The following CADM1 variants were observed in gnomAD, a reference collection of about 807,000 sequenced individuals.
CADM1 encodes the protein TSLC-1.
In CADM1, 15 loss-of-function variants were observed where a neutral mutation model predicts 53.1. The observed-to-expected ratio is 0.28, with a 90% CI of 0.19 to 0.44. The LOEUF is 0.44. Among genes scored for constraint, CADM1 ranks in the 20% least tolerant of loss-of-function variants. CADM1 has a pLI of 1.00. For synonymous variants in CADM1, 281 were observed against 243.0 expected (o/e 1.16, Z -1.45); for missense variants, 434 against 611.3 (o/e 0.71, Z 3.06).
At chr11:115,484,987 T>G (rs1357992369) in intron 1 of CADM1, among the ~76,000 whole-genome samples, 1 of 152,048 alleles carries the variant, frequency 6.6e-6, no homozygotes, top group Non-Finnish European at 1.5e-5. Flanking sequence ...CCTGGAATCT[T>G]GTTCCGGTGT....
intron 1 of CADM1, among the ~76,000 whole-genome samples, chr11:115,487,636 T>C (rs1949405770): frequency 6.6e-6 from 1 of 152,186 alleles, no homozygotes; most frequent in Non-Finnish European, 1.5e-5. Context: ...TGGAATATAA[T>C]GCTTGAGGAA....
chr11:115,395,216 T>C (rs1471625287), intron 1 of CADM1, among the ~76,000 whole-genome samples: 1 of 152,188 alleles, frequency 6.6e-6, no homozygotes, highest in African/African-American at 2.4e-5. Flanking sequence ...TCAGGATTTC[T>C]TGATGCTCTC....
rs772145243 is a variant in CADM1, at chr11:115,178,746, T to C, written c.1195A>G (p.Arg399Gly). The change falls in exon 11 of 12, where the codon AGG (arginine) becomes GGG (glycine). Residue 399 changes from arginine to glycine, a missense_variant. Arg to Gly is a moderately radical substitution (Grantham distance 125). Coordinates refer to ENST00000331581, the MANE Select transcript of CADM1 (RefSeq NM_001301043.2). ...CCGATCACGGCATGATCCACTGCCCTGATCGAGCCTTCTTCACCTGCTCGG... is the reference window on the plus strand; with the variant it reads ...CCGATCACGGCATGATCCACTGCCCCGATCGAGCCTTCTTCACCTGCTCGG... Reference protein sequence around the residue: ...DSRAGEEGSIRAVDHAVIGGV... With the variant: ...DSRAGEEGSIGAVDHAVIGGV... 8 of 1,614,048 alleles carry C rather than the reference T, an allele frequency of 5.0e-6. No homozygotes were observed. Among genetic ancestry groups the C allele is most frequent in the South Asian group, 4.4e-5 (4 of 91,082 alleles).
intron 1 of CADM1, among the ~76,000 whole-genome samples, chr11:115,344,595 C>T (rs1404086022): frequency 6.6e-6 from 1 of 152,120 alleles, no homozygotes. Context: ...CAAAATCCTT[C>T]CTATAGTAGT....
At chr11:115,197,528 A>C (rs1940217983) in intron 9 of CADM1, among the ~76,000 whole-genome samples, 1 of 152,136 alleles carries the variant, frequency 6.6e-6, no homozygotes, top group Non-Finnish European at 1.5e-5. Context: ...CATGATTCTC[A>C]TTTTCTGATT....
In CADM1 at chr11:115,196,405, C is replaced by A. The variant is rs368628443; in HGVS notation, c.1111+2001G>T. On this transcript the variant is annotated intron_variant, in intron 9 of 11. Coordinates refer to ENST00000331581, the MANE Select transcript of CADM1 (RefSeq NM_001301043.2). ...AAGAACATGAATTTTATTGAAGGGA[C>A]CTAGAAAATAGAATTCTGGAGCTTT... Among the ~76,000 whole-genome samples the A allele has an allele frequency of 7.2e-5, 11 of 151,946 alleles. No homozygotes were observed. In the South Asian group the frequency reaches 1.0e-3, roughly 14 times the overall value.
In CADM1 at chr11:115,337,582, T is replaced by G. The variant is rs534212259; in HGVS notation, c.125-97162A>C. 6.6e-5 allele frequency among the ~76,000 whole-genome samples: 10 copies of G among 152,286 alleles called. No homozygotes were observed. The South Asian group carries it at 2.1e-3, about 32-fold the overall frequency. On this transcript the variant is annotated intron_variant, in intron 1 of 11. Transcript: ENST00000331581. The stretch of plus-strand genomic sequence containing the variant: ...CTTACTCTAACCTCCCTTGGCTCTT[T>G]ACTAATGTTTTTTCTTAATGCTGTT...
At chr11:115,478,676 G>A (rs1442995228) in intron 1 of CADM1, among the ~76,000 whole-genome samples, 2 of 152,102 alleles carry the variant, frequency 1.3e-5, no homozygotes, top group African/African-American at 4.8e-5. Context: ...ACTCTCTAGA[G>A]ATAGCCATTG....
In CADM1 at chr11:115,338,182, A is replaced by G. The variant is rs567606970; in HGVS notation, c.125-97762T>C. On this transcript the variant is annotated intron_variant, in intron 1 of 11. Coordinates refer to ENST00000331581, the MANE Select transcript of CADM1 (RefSeq NM_001301043.2). ...CAGCTAACACATGTACGGTGTTACT[A>G]TATGCTAGAAACGATTCTAAGTACT... is the stretch of plus-strand genomic sequence containing the variant. Among the ~76,000 whole-genome samples, 3 of 152,294 alleles carry G rather than the reference A, an allele frequency of 2.0e-5. No individual in the cohort carries two copies. The South Asian group carries it at 6.2e-4, about 32-fold the overall frequency.
At chr11:115,391,795 G>A (rs1946842684) in intron 1 of CADM1, among the ~76,000 whole-genome samples, 1 of 152,150 alleles carries the variant, frequency 6.6e-6, no homozygotes, top group East Asian at 1.9e-4. Context: ...TGGTGCTACA[G>A]CTGGTGGAGC....
intron 1 of CADM1, among the ~76,000 whole-genome samples, chr11:115,410,426 T>C (rs576000242): frequency 6.6e-6 from 1 of 152,236 alleles, no homozygotes; most frequent in Non-Finnish European, 1.5e-5. Context: ...CATTTTCATT[T>C]TCTTGCATTG....
chr11:115,187,419 TG>T (rs1939615971), intron 10 of CADM1, among the ~76,000 whole-genome samples: 1 of 152,288 alleles, frequency 6.6e-6, no homozygotes, highest in African/African-American at 2.4e-5. Context: ...ATTAGCTAAA[TG>T]TAGGTTTGTT....
intron 1 of CADM1, among the ~76,000 whole-genome samples, chr11:115,295,541 TATATATATA>T (rs59942922): frequency 0.15 from 12,526 of 82,336 alleles, 1,310 homozygotes; most frequent in East Asian, 0.42. Context: ...TATATATATA[TATATATATA>T]ATATATATGT....
rs565082004 is a variant in CADM1 at position 115,388,533 on chromosome 11, G to A, written c.124+115738C>T. Reference sequence around the variant, plus strand: ...GAAAAATCAGGCAATGCCCTGATCAGATAACCAAAATTACTATCACCAACA... The same window carrying A: ...GAAAAATCAGGCAATGCCCTGATCAAATAACCAAAATTACTATCACCAACA... On this transcript the variant is annotated intron_variant, in intron 1 of 11. Transcript: ENST00000331581. Among the ~76,000 whole-genome samples, 11 of 152,146 alleles carry A rather than the reference G, an allele frequency of 7.2e-5. No individual in the cohort carries two copies. In the South Asian group the frequency reaches 1.5e-3, roughly 20 times the overall value.
At chr11:115,260,619 T>C (rs562717280) in intron 1 of CADM1, among the ~76,000 whole-genome samples, 16 of 152,334 alleles carry the variant, frequency 1.1e-4, no homozygotes, top group Non-Finnish European at 2.1e-4. Context: ...TACTGAGTCA[T>C]AATCAATTTT....
chr11:115,230,259 T>A (rs1246660668), intron 4 of CADM1, among the ~76,000 whole-genome samples: 2 of 152,198 alleles, frequency 1.3e-5, no homozygotes, highest in Non-Finnish European at 1.5e-5. Context: ...AAAGGGCTGA[T>A]TCTTTCATTT....
chr11:115,429,062 G>A (rs905884285), intron 1 of CADM1, among the ~76,000 whole-genome samples: 2 of 152,108 alleles, frequency 1.3e-5, no homozygotes, highest in African/African-American at 4.8e-5. Context: ...CATGGGAAAG[G>A]ATGACGAGCT....
intron 1 of CADM1, among the ~76,000 whole-genome samples, chr11:115,303,337 G>A (rs766772282): frequency 5.9e-5 from 9 of 151,978 alleles, no homozygotes; most frequent in Non-Finnish European, 1.3e-4. Context: ...TTGCCCAAGA[G>A]CCAGTAAGTC....
intron 1 of CADM1, among the ~76,000 whole-genome samples, chr11:115,387,546 T>C (rs1218275650): frequency 6.6e-6 from 1 of 152,184 alleles, no homozygotes; most frequent in Non-Finnish European, 1.5e-5. Flanking sequence ...GGAAAACATG[T>C]CCTGAACTTT....
Sources: allele counts gnomAD v4.1 joint callset (sites outside exome capture counted in the v4.1 genomes callset), GRCh38; gene constraint gnomAD v4.1.1; transcripts MANE v1.5; gene names NCBI Gene and HGNC (gene_info 2026-07-23, HGNC 2026-07-21).